SLC12A7: variants seen among roughly 807,000 people sequenced by gnomAD.
SLC12A7 encodes K-Cl cotransporter 4.
Under a neutral mutation model 120.6 loss-of-function variants are expected in SLC12A7, and 100 were observed. The ratio of observed to expected loss-of-function variants is 0.83; its 90% CI spans 0.71 to 0.98. SLC12A7 has a LOEUF of 0.98. Ranked by LOEUF, SLC12A7 falls within the 50% of genes least tolerant of loss-of-function variation. The pLI, the probability that SLC12A7 is intolerant of heterozygous loss-of-function variation, is 0.00. For synonymous variants in SLC12A7, 760 were observed against 678.0 expected (o/e 1.12, Z -1.88); for missense variants, 1,373 against 1,548.1 (o/e 0.89, Z 1.90).
chr5:1,137,206 A>G, the SLC12A7 span, among the ~76,000 whole-genome samples: 77 of 152,102 alleles, frequency 5.1e-4, no homozygotes, highest in South Asian at 5.4e-3. Flanking sequence ...TCATGCCCCC[A>G]TCACAGGCGG....
chr5:1,075,280 G>T, intron 15 of SLC12A7, 91 bp downstream of exon 15: 1 of 1,510,598 alleles, frequency 6.6e-7, no homozygotes, highest in Non-Finnish European at 8.9e-7. Context: ...AAGCCCCAGG[G>T]AGGCCCCTCC....
At chr5:1,054,003 G>A (rs1735332484) in intron 22 of SLC12A7, among the ~76,000 whole-genome samples, 1 of 152,234 alleles carries the variant, frequency 6.6e-6, no homozygotes, top group South Asian at 2.1e-4. Context: ...GGGGCCGGAA[G>A]CTCAGGAAGG....
intron 10 of SLC12A7, 29 bp from the exon 11 acceptor site, chr5:1,078,787 C>G: frequency 8.1e-7 from 1 of 1,227,686 alleles, no homozygotes; most frequent in African/African-American, 1.9e-5. Flanking sequence ...AAAGGCAGGT[C>G]CGTGGGTGCA....
chr5:1,080,080 G>A (rs1172270698), intron 9 of SLC12A7, among the ~76,000 whole-genome samples: 4 of 152,174 alleles, frequency 2.6e-5, no homozygotes, highest in South Asian at 2.1e-4. Context: ...CCCATTGCTC[G>A]GGGTGGCCTG....
intron 11 of SLC12A7, 199 bp downstream of exon 11, chr5:1,078,502 G>A (rs567621914): frequency 1.6e-5 from 10 of 630,370 alleles, no homozygotes; most frequent in Non-Finnish European, 2.9e-5. Flanking sequence ...AGTTGGCTCT[G>A]AACGGTTCCC....
intron 9 of SLC12A7, among the ~76,000 whole-genome samples, chr5:1,081,073 G>GAC (rs1739035243): frequency 6.8e-5 from 2 of 29,206 alleles, no homozygotes; most frequent in African/African-American, 9.2e-5. Context: ...GAGAGAGAGA[G>GAC]AGACAGACAG....
intron 23 of SLC12A7, among the ~76,000 whole-genome samples, chr5:1,053,001 C>T (rs1735218254): frequency 1.3e-5 from 2 of 152,234 alleles, no homozygotes. Flanking sequence ...GTTGTCGGCG[C>T]AGGGTGGGGC....
At chr5:1,108,968 GA>G (rs1463063143) in intron 1 of SLC12A7, among the ~76,000 whole-genome samples, 1 of 152,184 alleles carries the variant, frequency 6.6e-6, no homozygotes, top group African/African-American at 2.4e-5. Context: ...CTCAGAAACG[GA>G]ACCCAAAGAG....
intron 22 of SLC12A7, among the ~76,000 whole-genome samples, chr5:1,056,843 C>T (rs1015690889): frequency 2.0e-5 from 3 of 152,216 alleles, no homozygotes; most frequent in Non-Finnish European, 2.9e-5. Context: ...CGCAAGGACC[C>T]TGTACAGCCC....
chr5:1,064,161 C>T lies in SLC12A7; in HGVS notation c.2529G>A (p.Gly843=). 6.2e-7 allele frequency: 1 copy of T among 1,612,274 alleles called. No individual in the cohort carries two copies. Among genetic ancestry groups the T allele is most frequent in the Non-Finnish European group, 8.5e-7 (1 of 1,179,620 alleles). ...CGATCCACCACACGTCGATGTGGCC[C>T]CCGCCGAAGCGCTCCTGGTTTTGCG... ...SFPQNQERFG[G]GHIDVWWIVH... The change falls in exon 19 of 24, where the codon GGG becomes GGA. Residue 843 remains glycine, a synonymous_variant. Transcript: ENST00000264930.
In SLC12A7 at chr5:1,074,622, C is replaced by T. The variant is rs774484644; in HGVS notation, c.2017G>A (p.Ala673Thr). The T allele has an allele frequency of 1.3e-5, 21 of 1,612,706 alleles. No individual in the cohort carries two copies. The highest frequency in any genetic ancestry group is 6.7e-5 in the East Asian group (3 of 44,894). The change falls in exon 16 of 24, where the codon GCC becomes ACC. Residue 673 changes from alanine (A) to threonine (T), a missense_variant. By Grantham distance (58) the Ala-to-Thr change is moderately conservative. Transcript: ENST00000264930. The stretch of plus-strand genomic sequence containing the variant: ...TCCACGCGCAGCAGGGCGTAGCGGG[C>T]GGCGTTCAGGGATAGGCCACGGATG... ...DGIRGLSLNA[A>T]RYALLRVEHG...
At chr5:1,064,329 G>A (rs779280701) in intron 18 of SLC12A7, 77 bp from the exon 19 acceptor site, 24 of 1,501,910 alleles carry the variant, frequency 1.6e-5, no homozygotes, top group East Asian at 2.3e-5. Flanking sequence ...CTCACAGCCA[G>A]TGCAGGGGCG....
At chr5:1,094,555 T>C (rs4975550) in intron 1 of SLC12A7, among the ~76,000 whole-genome samples, 133,589 of 152,230 alleles carry the variant, frequency 0.88, 59,894 homozygotes, top group East Asian at 1. Context: ...CTCCAGGGCA[T>C]ACGCTATCCC....
intron 21 of SLC12A7, among the ~76,000 whole-genome samples, chr5:1,059,562 C>T (rs1486529677): frequency 6.6e-6 from 1 of 152,226 alleles, no homozygotes; most frequent in African/African-American, 2.4e-5. Context: ...ACCAGGTGAC[C>T]CCCGTGCTGT....
upstream of SLC12A7, among the ~76,000 whole-genome samples, chr5:1,114,420 C>A (rs13155216): frequency 0.34 from 51,493 of 151,992 alleles, 11,301 homozygotes; most frequent in African/African-American, 0.62. Context: ...GCCCAGAAGC[C>A]GCTGCAGGCC....
rs186345610 is a variant in SLC12A7 at position 1,065,431 on chromosome 5, C to G, written c.2289G>C (p.Gln763His). 1 of 1,611,446 alleles carries G rather than the reference C, an allele frequency of 6.2e-7. No homozygotes were observed. The highest frequency in any genetic ancestry group is 1.3e-5 in the African/African-American group (1 of 74,996). Residue 763 changes from glutamine (Q) to histidine (H), a missense_variant, in exon 18 of 24, where the codon CAG (glutamine) becomes CAC (histidine). Transcript: ENST00000264930. ...MSTEKTKGFCQLVVSSSLRDG... is the reference protein window; with the variant it reads ...MSTEKTKGFCHLVVSSSLRDG... ...CCCGCAGGCTGGACGAGACCACCAG[C>G]TGGCAGAAGCCCTTGGTCTTCTCTG...
the SLC12A7 span, among the ~76,000 whole-genome samples, chr5:1,149,437 C>A: frequency 6.6e-6 from 1 of 151,820 alleles, no homozygotes; most frequent in South Asian, 2.1e-4. Flanking sequence ...ATTAGCCAGG[C>A]GTGGTGGCAG....
Position 1,078,648 on chromosome 5 carries a change from G to A in SLC12A7, c.1454+53C>T, listed in dbSNP as rs552133868. ...ATTTCAAAGCCGAATTCATCCTCAG[G>A]AAAACCCTTGAAGACTACAGGCTTT... On this transcript the variant is annotated intron_variant, in intron 11 of 23. Transcript: ENST00000264930. 11 of 1,450,048 alleles carry A rather than the reference G, an allele frequency of 7.6e-6. No homozygotes were observed. In the African/African-American group the frequency reaches 1.5e-4, roughly 20 times the overall value. 89.8% of individuals were successfully genotyped at this position (1,450,048 alleles called of 1,614,324 possible).
the SLC12A7 span, among the ~76,000 whole-genome samples, chr5:1,120,870 C>T: frequency 6.6e-6 from 1 of 152,358 alleles, no homozygotes; most frequent in African/African-American, 2.4e-5. Flanking sequence ...CCCTGTGCAG[C>T]AGAGACGGCT....
Sources: allele counts gnomAD v4.1 joint callset (sites outside exome capture counted in the v4.1 genomes callset), GRCh38; gene constraint gnomAD v4.1.1; transcripts MANE v1.5; gene names NCBI Gene and HGNC (gene_info 2026-07-23, HGNC 2026-07-21).